Variants in GOLGA3 observed in about 807,000 individuals in gnomAD.
GOLGA3 encodes the protein golgin A3.
A neutral mutation model predicts 169.4 loss-of-function variants in GOLGA3; 75 were observed. The observed-to-expected ratio is 0.44, with a 90% CI of 0.37 to 0.54. GOLGA3 has a LOEUF of 0.54. GOLGA3 is among the 20% of genes least tolerant of loss of function. The pLI is 0.00. For synonymous variants in GOLGA3, 824 were observed against 822.4 expected (o/e 1.00, Z -0.03); for missense variants, 1,899 against 1,930.0 (o/e 0.98, Z 0.30).
At position 132,816,463 on chromosome 12, in the gene GOLGA3, T is replaced by C. The variant is rs535561574; in HGVS notation, c.406+77A>G. 1.8e-5 allele frequency: 26 copies of C among 1,441,260 alleles called. 1 individual carries two copies. In the South Asian group the frequency reaches 2.4e-4, roughly 13 times the overall value. 89.3% of individuals were successfully genotyped at this position (1,441,260 alleles called of 1,614,324 possible). On this transcript the variant is annotated intron_variant, in intron 3 of 23. Transcript: ENST00000450791. ...GGCACACAACAGCTCAGACAGTGAG[T>C]GCGCAGGGCACCTGCTCCCAAGGGG...
At position 132,774,419 on chromosome 12, in the gene GOLGA3, A is replaced by T. The variant is rs2045103818; in HGVS notation, c.4144-99T>A. ...GCAAACGGGCCTCCCCAACTGGTGG[A>T]CGTGGGGCCTCTGGGAAGGGGACCG... On this transcript the variant is annotated intron_variant, in intron 22 of 23. Coordinates refer to ENST00000450791, the MANE Select transcript of GOLGA3 (RefSeq NM_001389683.1). The T allele has an allele frequency of 5.1e-6, 7 of 1,367,576 alleles. No individual in the cohort carries two copies. The South Asian group carries it at 7.2e-5, about 14-fold the overall frequency. 84.7% of individuals were successfully genotyped at this position (1,367,576 alleles called of 1,614,324 possible). A position where few individuals can be genotyped will look rare whatever the true frequency, so the allele number is the denominator to read the frequency against.
intron 11 of GOLGA3, among the ~76,000 whole-genome samples, chr12:132,794,074 G>A (rs117352466): frequency 1.9e-4 from 29 of 152,254 alleles, no homozygotes; most frequent in Non-Finnish European, 2.8e-4. Flanking sequence ...TCATTCATCC[G>A]TTCCGATGAT....
At chr12:132,788,543 T>TGTGTG (rs1372419259) in intron 13 of GOLGA3, among the ~76,000 whole-genome samples, 1 of 152,098 alleles carries the variant, frequency 6.6e-6, no homozygotes, top group African/African-American at 2.4e-5. Flanking sequence ...CAGCCCAGGC[T>TGTGTG]CAGCTTCCAC....
chr12:132,794,225 T>C (rs570952019), intron 11 of GOLGA3, among the ~76,000 whole-genome samples: 154 of 151,510 alleles, frequency 1.0e-3, no homozygotes, highest in African/African-American at 3.4e-3. Flanking sequence ...GGGAATGCAG[T>C]GGCTCACGCC....
intron 11 of GOLGA3, among the ~76,000 whole-genome samples, chr12:132,792,926 C>CA (rs1948633401): frequency 7.2e-6 from 1 of 139,578 alleles, no homozygotes. Flanking sequence ...ACAGACCCAC[C>CA]CCACGGGACC....
chr12:132,813,881 C>T (rs1013429479), intron 3 of GOLGA3, among the ~76,000 whole-genome samples: 6 of 152,048 alleles, frequency 3.9e-5, no homozygotes, highest in South Asian at 2.1e-4. Flanking sequence ...CCCGCCACCA[C>T]GCCTGGCTAA....
intron 23 of GOLGA3, 143 bp from the exon 24 acceptor site, chr12:132,773,437 T>A: frequency 4.7e-6 from 2 of 421,902 alleles, no homozygotes; most frequent in South Asian, 6.3e-5. Context: ...CCACAGAAGC[T>A]CAGCTGTTCT....
At chr12:132,818,370 C>T (rs374783436) in intron 2 of GOLGA3, among the ~76,000 whole-genome samples, 53 of 152,376 alleles carry the variant, frequency 3.5e-4, no homozygotes, top group African/African-American at 1.3e-3. Flanking sequence ...AGCGATTCTC[C>T]TGCTTCAGCC....
chr12:132,811,092 T>C (rs780621362), intron 4 of GOLGA3, among the ~76,000 whole-genome samples: 6 of 152,176 alleles, frequency 3.9e-5, no homozygotes, highest in Non-Finnish European at 8.8e-5. Context: ...TACTTATCAT[T>C]GGAGATGACT....
intron 20 of GOLGA3, 74 bp from the exon 21 acceptor site, chr12:132,776,830 T>C (rs1020792506): frequency 3.4e-5 from 54 of 1,576,370 alleles, no homozygotes; most frequent in Non-Finnish European, 4.6e-5. Context: ...GCTCTAGCTG[T>C]GTTTTGGTTT....
rs546421095 is a variant in GOLGA3, at chr12:132,777,539, A to G, written c.3722+127T>C. 7 of 1,015,096 alleles carry G rather than the reference A, an allele frequency of 6.9e-6. No individual in the cohort carries two copies. The highest frequency in any genetic ancestry group is 2.4e-5 in the East Asian group (1 of 41,110). The allele number at this position is 1,015,096 out of a possible 1,614,324, so 62.9% of individuals were successfully genotyped here. ...CGGAGGCTGGGTGCCTTCTACTCCT[A>G]TGATTCACTCAAGTACTCGGCAATT... is the stretch of plus-strand genomic sequence containing the variant. On this transcript the variant is annotated intron_variant, in intron 19 of 23. Coordinates refer to ENST00000450791, the MANE Select transcript of GOLGA3 (RefSeq NM_001389683.1). This position sits in a 1 kb window ranked among gnomAD's most constrained non-coding sequence, Gnocchi z 4.7.
intron 3 of GOLGA3, among the ~76,000 whole-genome samples, chr12:132,816,112 G>A (rs1949947766): frequency 6.6e-6 from 1 of 152,188 alleles, no homozygotes; most frequent in African/African-American, 2.4e-5. Context: ...GCAGGTGAAT[G>A]GCATGAACCC....
In GOLGA3 at chr12:132,807,652, G is replaced by A. The variant is rs1414195870; in HGVS notation, c.1178+239C>T. ...AATTAAATGTTCATGTCAAGACTAA[G>A]GATAGAATCAGGAAGAAAAGCTGTG... On this transcript the variant is annotated intron_variant, in intron 5 of 23. Transcript: ENST00000450791. 5.3e-5 allele frequency among the ~76,000 whole-genome samples: 8 copies of A among 152,302 alleles called. No individual in the cohort carries two copies. The East Asian group carries it at 1.5e-3, about 29-fold the overall frequency.
chr12:132,777,244 C>T lies in GOLGA3; in HGVS notation c.3723-154G>A, dbSNP rs557425716. 1.3e-5 allele frequency among the ~76,000 whole-genome samples: 2 copies of T among 152,322 alleles called. No homozygotes were observed. Among genetic ancestry groups the T allele is most frequent in the Non-Finnish European group, 2.9e-5 (2 of 68,034 alleles). On this transcript the variant is annotated intron_variant, in intron 19 of 23. Transcript: ENST00000450791. This position sits in a 1 kb window ranked among gnomAD's most constrained non-coding sequence, Gnocchi z 4.7. Reference sequence around the variant, plus strand: ...AGCCATGCTTGGTGCCCACAGTGTGCACTCGGGCAGTCCTCACGAAGCACC... The same window carrying T: ...AGCCATGCTTGGTGCCCACAGTGTGTACTCGGGCAGTCCTCACGAAGCACC...
intron 7 of GOLGA3, among the ~76,000 whole-genome samples, chr12:132,803,085 A>AC (rs1254929409): frequency 9.8e-4 from 15 of 15,280 alleles, no homozygotes; most frequent in South Asian, 7.6e-3. Context: ...AACAACAACA[A>AC]AACAACAAAA....
intron 1 of GOLGA3, among the ~76,000 whole-genome samples, chr12:132,824,885 C>G (rs910993291): frequency 6.6e-6 from 1 of 152,160 alleles, no homozygotes; most frequent in Non-Finnish European, 1.5e-5. Context: ...CAGACACACT[C>G]CAAGAGAACT....
In GOLGA3 at chr12:132,771,210, C is replaced by T. The variant is rs1407009957; in HGVS notation, c.*1895G>A. The T allele has an allele frequency of 6.6e-6, 1 of 152,548 alleles. No homozygotes were observed. Among genetic ancestry groups the T allele is most frequent in the African/African-American group, 2.4e-5 (1 of 41,406 alleles). The allele number at this position is 152,548 out of a possible 1,614,324, so 9.4% of individuals were successfully genotyped here. On this transcript the variant is annotated 3_prime_UTR_variant, in exon 24 of 24. Transcript: ENST00000450791. ...TGTGGTTAATGCTACCTTAACCTTA[C>T]CAATTAACCTTCTAAAAGTATATTA...
At chr12:132,812,854 A>G (rs1324813871) in intron 4 of GOLGA3, among the ~76,000 whole-genome samples, 2 of 152,232 alleles carry the variant, frequency 1.3e-5, no homozygotes, top group Non-Finnish European at 2.9e-5. Context: ...GCAGCCATCA[A>G]ACTTGAGGCA....
At chr12:132,809,514 A>T (rs574709594) in intron 4 of GOLGA3, among the ~76,000 whole-genome samples, 3 of 142,834 alleles carry the variant, frequency 2.1e-5, no homozygotes, top group East Asian at 4.2e-4. Flanking sequence ...CTGGACCACG[A>T]TCCGCCTGGT....
Sources: allele counts gnomAD v4.1 joint callset (sites outside exome capture counted in the v4.1 genomes callset), GRCh38; gene constraint gnomAD v4.1.1; non-coding constraint Gnocchi (gnomAD v3.1); transcripts MANE v1.5; gene names NCBI Gene and HGNC (gene_info 2026-07-23, HGNC 2026-07-21).